PRKCA: variants seen among roughly 807,000 people sequenced by gnomAD.
PRKCA encodes protein kinase C alpha, also known as protein kinase C alpha type.
A neutral mutation model predicts 87.0 loss-of-function variants in PRKCA; 27 were observed. The ratio of observed to expected loss-of-function variants is 0.31; its 90% confidence interval spans 0.23 to 0.43. The LOEUF is 0.43. PRKCA is among the 20% of genes least tolerant of loss of function. PRKCA has a pLI of 1.00. For missense variants in PRKCA, 518 were observed against 852.3 expected (o/e 0.61, Z 4.88); for synonymous variants, 329 against 311.1 (o/e 1.06, Z -0.61).
intron 2 of PRKCA, among the ~76,000 whole-genome samples, chr17:66,441,670 G>T (rs1011437543): frequency 1.3e-5 from 2 of 152,134 alleles, no homozygotes; most frequent in Non-Finnish European, 1.5e-5. Context: ...TCTAAAGGAG[G>T]CACGGATAGC....
At chr17:66,500,395 G>A (rs1916674081) in intron 3 of PRKCA, among the ~76,000 whole-genome samples, 1 of 152,188 alleles carries the variant, frequency 6.6e-6, no homozygotes, top group African/African-American at 2.4e-5. Context: ...GAGATAGTTG[G>A]AAAATCATGA....
At chr17:66,470,534 T>G (rs969251808) in intron 2 of PRKCA, among the ~76,000 whole-genome samples, 3 of 152,032 alleles carry the variant, frequency 2.0e-5, no homozygotes, top group Non-Finnish European at 4.4e-5. Flanking sequence ...GGCCCCAGTT[T>G]GCATTTTTTA....
intron 3 of PRKCA, among the ~76,000 whole-genome samples, chr17:66,622,230 C>T (rs1193013285): frequency 6.6e-6 from 1 of 152,154 alleles, no homozygotes; most frequent in African/African-American, 2.4e-5. Flanking sequence ...TCATAATAAC[C>T]AGCAGCCTTC....
At chr17:66,453,680 G>T (rs1039387163) in intron 2 of PRKCA, among the ~76,000 whole-genome samples, 1 of 152,226 alleles carries the variant, frequency 6.6e-6, no homozygotes, top group East Asian at 1.9e-4. Context: ...GCTGTAGGTC[G>T]AATTGGTTTA....
intron 2 of PRKCA, among the ~76,000 whole-genome samples, chr17:66,367,311 C>G (rs1485868770): frequency 6.6e-6 from 1 of 152,128 alleles, no homozygotes; most frequent in Non-Finnish European, 1.5e-5. Flanking sequence ...GGAACCTGAG[C>G]TAAGAAAAAG....
At chr17:66,491,488 C>T (rs998892546) in intron 2 of PRKCA, among the ~76,000 whole-genome samples, 2 of 152,202 alleles carry the variant, frequency 1.3e-5, no homozygotes, top group Non-Finnish European at 2.9e-5. Context: ...AAGTTGCCTT[C>T]CTTCTACCAA....
At chr17:66,656,005 A>G (rs1971725764) in intron 5 of PRKCA, among the ~76,000 whole-genome samples, 1 of 152,134 alleles carries the variant, frequency 6.6e-6, no homozygotes, top group Non-Finnish European at 1.5e-5. Flanking sequence ...ATATGTACAG[A>G]CTTGCAGCAT....
intron 2 of PRKCA, among the ~76,000 whole-genome samples, chr17:66,395,367 G>A (rs1446925617): frequency 6.6e-6 from 1 of 152,192 alleles, no homozygotes; most frequent in Non-Finnish European, 1.5e-5. Context: ...TAACCGGTAT[G>A]TTCATAATGT....
chr17:66,514,767 G>A (rs78135460), intron 3 of PRKCA, among the ~76,000 whole-genome samples: 2,202 of 152,136 alleles, frequency 0.014, 27 homozygotes, highest in Non-Finnish European at 0.022. Context: ...TGTTAAGGCC[G>A]TTCCCATTCA....
Position 66,411,718 on chromosome 17 carries a change from G to A in PRKCA, c.206-84483G>A, listed in dbSNP as rs150288420. Among the ~76,000 whole-genome samples, 1,077 of 152,146 alleles carry A rather than the reference G, an allele frequency of 7.1e-3. 19 individuals are homozygous for A. The highest frequency in any genetic ancestry group is 0.025 in the African/African-American group (1,035 of 41,488). Reference sequence around the variant, plus strand: ...TCAAGGCAGTGGCACAGCCACTAGCGGCCGTCCTGATCTTCCCCTCCCACC... The same window carrying A: ...TCAAGGCAGTGGCACAGCCACTAGCAGCCGTCCTGATCTTCCCCTCCCACC... On this transcript the variant is annotated intron_variant, in intron 2 of 16. Transcript: ENST00000413366.
intron 2 of PRKCA, among the ~76,000 whole-genome samples, chr17:66,379,609 A>G (rs190709416): frequency 6.6e-6 from 1 of 152,266 alleles, no homozygotes; most frequent in East Asian, 1.9e-4. Context: ...ACAAATGTAA[A>G]TTTTATACCA....
At chr17:66,716,495 G>A (rs1234358728) in intron 8 of PRKCA, among the ~76,000 whole-genome samples, 3 of 152,114 alleles carry the variant, frequency 2.0e-5, no homozygotes, top group African/African-American at 2.4e-5. Context: ...AAAACTTAAG[G>A]TCATTGGTGG....
intron 1 of PRKCA, among the ~76,000 whole-genome samples, chr17:66,305,157 TGTC>T (rs150950538): frequency 0.056 from 8,578 of 152,260 alleles, 322 homozygotes; most frequent in Non-Finnish European, 0.083. Flanking sequence ...CCACGGGGAT[TGTC>T]TTTTTCAGTT....
intron 3 of PRKCA, among the ~76,000 whole-genome samples, chr17:66,572,125 T>G (rs1969096278): frequency 6.6e-6 from 1 of 152,218 alleles, no homozygotes; most frequent in African/African-American, 2.4e-5. Flanking sequence ...GATTAAGCTA[T>G]GATTGAATTT....
chr17:66,752,505 G>A (rs992393029), intron 13 of PRKCA, among the ~76,000 whole-genome samples: 10 of 152,198 alleles, frequency 6.6e-5, no homozygotes, highest in African/African-American at 2.4e-4. Flanking sequence ...GGTTGAGGCA[G>A]GAGGGTCACT....
At chr17:66,429,695 C>T (rs1405789628) in intron 2 of PRKCA, among the ~76,000 whole-genome samples, 1 of 152,174 alleles carries the variant, frequency 6.6e-6, no homozygotes, top group Non-Finnish European at 1.5e-5. Context: ...CTTCTCTCCT[C>T]ACTGCCCTAT....
intron 2 of PRKCA, among the ~76,000 whole-genome samples, chr17:66,319,170 A>G (rs74521786): frequency 0.1 from 15,320 of 152,046 alleles, 1,110 homozygotes; most frequent in East Asian, 0.22. Flanking sequence ...GTGGTCTGCC[A>G]TGGTGGTCTG....
chr17:66,631,486 A>G (rs1166187869), intron 3 of PRKCA, among the ~76,000 whole-genome samples: 2 of 152,116 alleles, frequency 1.3e-5, no homozygotes, highest in Non-Finnish European at 2.9e-5. Flanking sequence ...AGGCATGATC[A>G]TGGCGCATTA....
chr17:66,585,959 A>G (rs1019463810), intron 3 of PRKCA, among the ~76,000 whole-genome samples: 14 of 152,184 alleles, frequency 9.2e-5, no homozygotes, highest in Admixed American at 3.9e-4. Context: ...TCTCAGGTGG[A>G]TGATGTTTGA....
Sources: allele counts gnomAD v4.1 joint callset (sites outside exome capture counted in the v4.1 genomes callset), GRCh38; gene constraint gnomAD v4.1.1; transcripts MANE v1.5; gene names NCBI Gene and HGNC (gene_info 2026-07-23, HGNC 2026-07-21).